ADGRB3: variants seen among roughly 807,000 people sequenced by gnomAD.
The protein encoded by ADGRB3 is brain-specific angiogenesis inhibitor 3.
Under a neutral mutation model 193.4 loss-of-function variants are expected in ADGRB3, and 37 were observed. The observed-to-expected ratio is 0.19, with a 90% CI of 0.15 to 0.25. ADGRB3 has a LOEUF of 0.25. Among genes scored for constraint, ADGRB3 ranks in the 10% least tolerant of loss-of-function variants. ADGRB3 has a pLI of 1.00. For synonymous variants in ADGRB3, 690 were observed against 644.2 expected (o/e 1.07, Z -1.08); for missense variants, 1,637 against 1,852.9 (o/e 0.88, Z 2.14).
chr6:68,998,784 G>A (rs1769470252), intron 11 of ADGRB3, among the ~76,000 whole-genome samples: 1 of 152,194 alleles, frequency 6.6e-6, no homozygotes, highest in Non-Finnish European at 1.5e-5. Flanking sequence ...AAGAGGAGAA[G>A]TGAATGCAAC....
At chr6:68,990,939 CT>C (rs1338868719) in intron 10 of ADGRB3, among the ~76,000 whole-genome samples, 3 of 152,208 alleles carry the variant, frequency 2.0e-5, no homozygotes, top group East Asian at 1.9e-4. Context: ...AATTTCATGA[CT>C]TTTTTTAGGT....
In ADGRB3 at chr6:68,956,664, G is replaced by C. The variant is rs1414874380; in HGVS notation, c.1380G>C (p.Gln460His). 1 of 1,614,044 alleles carries C rather than the reference G, an allele frequency of 6.2e-7. No homozygotes were observed. ...TTTCAGCCAATGGTCAATGGAATCAGTGGGGTCATTGGAGTGGTTGTTCCA... is the reference window on the plus strand; with the variant it reads ...TTTCAGCCAATGGTCAATGGAATCACTGGGGTCATTGGAGTGGTTGTTCCA... ...PECTANGQWN[Q>H]WGHWSGCSKS... is the part of the protein sequence containing the mutation. The change falls in exon 8 of 32, where the codon CAG becomes CAC. Residue 460 changes from glutamine to histidine, a missense_variant. Around this residue, in one of 7 missense-constraint regions of ADGRB3, gnomAD observed 641 missense variants for 673.9 expected, o/e 0.95. Coordinates refer to ENST00000370598, the MANE Select transcript of ADGRB3 (RefSeq NM_001704.3).
chr6:69,096,677 T>C (rs1166085167), intron 17 of ADGRB3, among the ~76,000 whole-genome samples: 2 of 152,202 alleles, frequency 1.3e-5, no homozygotes, highest in East Asian at 1.9e-4. Flanking sequence ...TTCTTTCTAC[T>C]GATATGACCC....
At position 69,119,376 on chromosome 6, in the gene ADGRB3, C is replaced by T. The variant is rs566537130; in HGVS notation, c.2480+43338C>T. 3.9e-5 allele frequency among the ~76,000 whole-genome samples: 6 copies of T among 152,166 alleles called. No homozygotes were observed. The South Asian group carries it at 1.0e-3, about 26-fold the overall frequency. On this transcript the variant is annotated intron_variant, in intron 17 of 31. Coordinates refer to ENST00000370598, the MANE Select transcript of ADGRB3 (RefSeq NM_001704.3). ...ATACATCAGTAAGCATAACAAAGAT[C>T]CCCGTTCTCTTGGAGTATATATTCT...
rs1489304697 is a variant in ADGRB3 at position 69,131,706 on chromosome 6, C to T, written c.2480+55668C>T. ...GTTTGTTACATAGGTATATGTATGC[C>T]ATGGTGGTTTGCTACACCCATCGAC... On this transcript the variant is annotated intron_variant, in intron 17 of 31. Transcript: ENST00000370598. Among the ~76,000 whole-genome samples the T allele has an allele frequency of 2.0e-5, 3 of 151,926 alleles. No individual in the cohort carries two copies. The East Asian group carries it at 5.8e-4, about 29-fold the overall frequency.
At chr6:69,203,279 A>G (rs1158559539) in intron 17 of ADGRB3, among the ~76,000 whole-genome samples, 1 of 152,148 alleles carries the variant, frequency 6.6e-6, no homozygotes, top group Non-Finnish European at 1.5e-5. Context: ...TATTATCATT[A>G]TCATTGAGTA....
intron 17 of ADGRB3, among the ~76,000 whole-genome samples, chr6:69,194,180 A>G (rs1431264532): frequency 6.6e-6 from 1 of 152,128 alleles, no homozygotes. Flanking sequence ...TAAATGTCAT[A>G]TGATAGATGC....
intron 17 of ADGRB3, among the ~76,000 whole-genome samples, chr6:69,152,619 T>A (rs190683621): frequency 1.6e-4 from 24 of 152,304 alleles, no homozygotes; most frequent in Admixed American, 1.5e-3. Flanking sequence ...GGCTACACAA[T>A]TTTTAAATCC....
At chr6:68,838,620 G>T (rs1768090617) in intron 3 of ADGRB3, among the ~76,000 whole-genome samples, 1 of 152,118 alleles carries the variant, frequency 6.6e-6, no homozygotes, top group African/African-American at 2.4e-5. Flanking sequence ...AAAGTCAAAT[G>T]GGATGCTAGA....
intron 20 of ADGRB3, among the ~76,000 whole-genome samples, chr6:69,275,348 T>A (rs1212109944): frequency 1.3e-5 from 2 of 152,080 alleles, no homozygotes; most frequent in African/African-American, 4.8e-5. Context: ...AGTCTAAGAT[T>A]ATTTGCATTA....
intron 30 of ADGRB3, among the ~76,000 whole-genome samples, chr6:69,374,115 A>G (rs1769763621): frequency 6.6e-6 from 1 of 152,020 alleles, no homozygotes; most frequent in African/African-American, 2.4e-5. Flanking sequence ...AATTGCTGTA[A>G]TCACTGCATG....
chr6:68,706,007 A>T lies in ADGRB3; in HGVS notation c.757+66575A>T, dbSNP rs1765320604. ...GGATGAGGAAGTTGATCAAATATTGAGGTGATCAAATACTGAAGTGGGGGG... is the reference window on the plus strand; with the variant it reads ...GGATGAGGAAGTTGATCAAATATTGTGGTGATCAAATACTGAAGTGGGGGG... On this transcript the variant is annotated intron_variant, in intron 3 of 31. Coordinates refer to ENST00000370598, the MANE Select transcript of ADGRB3 (RefSeq NM_001704.3). Among the ~76,000 whole-genome samples the T allele has an allele frequency of 1.3e-5, 2 of 152,154 alleles. 1 individual carries two copies. The highest frequency in any genetic ancestry group is 4.1e-4 in the South Asian group (2 of 4,826).
At chr6:68,679,955 G>A (rs1301671938) in intron 3 of ADGRB3, among the ~76,000 whole-genome samples, 2 of 152,108 alleles carry the variant, frequency 1.3e-5, no homozygotes, top group African/African-American at 4.8e-5. Flanking sequence ...GAAGGTATTA[G>A]GAGGTAGTGC....
chr6:69,149,769 G>A (rs774374977), intron 17 of ADGRB3, among the ~76,000 whole-genome samples: 70 of 152,094 alleles, frequency 4.6e-4, no homozygotes, highest in Middle Eastern at 3.2e-3. Flanking sequence ...GCATTAGAGG[G>A]CACCCCACAC....
chr6:68,750,503 A>G (rs1016216659), intron 3 of ADGRB3, among the ~76,000 whole-genome samples: 1 of 152,246 alleles, frequency 6.6e-6, no homozygotes, highest in Non-Finnish European at 1.5e-5. Flanking sequence ...TAGTTCATCT[A>G]TATATTTGCA....
chr6:69,043,290 G>GAAAGAA (rs1554252052), intron 13 of ADGRB3, among the ~76,000 whole-genome samples: 4 of 88,032 alleles, frequency 4.5e-5, no homozygotes, highest in South Asian at 3.7e-4. Flanking sequence ...GGAAGAAAGA[G>GAAAGAA]AGAAAGAAAG....
rs1298094475 is a variant in ADGRB3, at chr6:68,998,971, A to G, written c.1929+5009A>G. ...AATATCACCTATAATATACACCTTT[A>G]TTTGTGCCCTGTATGTAAGAAAAGC... On this transcript the variant is annotated intron_variant, in intron 11 of 31. Transcript: ENST00000370598. 2.0e-5 allele frequency among the ~76,000 whole-genome samples: 3 copies of G among 152,156 alleles called. No homozygotes were observed. The East Asian group carries it at 5.8e-4, about 29-fold the overall frequency.
chr6:68,863,919 T>C (rs1765223454), intron 3 of ADGRB3, among the ~76,000 whole-genome samples: 1 of 152,202 alleles, frequency 6.6e-6, no homozygotes, highest in East Asian at 1.9e-4. Flanking sequence ...ATATGCATTA[T>C]ACTAAATTAT....
chr6:69,111,679 A>C (rs1773370179), intron 17 of ADGRB3, among the ~76,000 whole-genome samples: 1 of 152,224 alleles, frequency 6.6e-6, no homozygotes, highest in Non-Finnish European at 1.5e-5. Context: ...TCTGGACATG[A>C]AACCAAGATA....
Sources: allele counts gnomAD v4.1 joint callset (sites outside exome capture counted in the v4.1 genomes callset), GRCh38; gene constraint gnomAD v4.1.1; regional missense constraint gnomAD v4.1.1; transcripts MANE v1.5; gene names NCBI Gene and HGNC (gene_info 2026-07-23, HGNC 2026-07-21).